E2F7: variants seen among roughly 807,000 people sequenced by gnomAD.
E2F7 encodes the protein E2F transcription factor 7, also known as transcription factor E2F7.
Under a neutral mutation model 81.1 loss-of-function variants are expected in E2F7, and 35 were observed. The ratio of observed to expected loss-of-function variants is 0.43; its 90% CI spans 0.33 to 0.57. E2F7 has a LOEUF of 0.57. E2F7 is among the 20% of genes least tolerant of loss of function. The pLI is 0.04. For missense variants in E2F7, 961 were observed against 1,093.7 expected, an observed-to-expected ratio of 0.88 and a Z score of 1.71; for synonymous variants, 416 against 416.2, an observed-to-expected ratio of 1.00 and a Z score of 0.01.
chr12:77,046,446 A>T, intron 4 of E2F7, 118 bp from the exon 5 acceptor site: 1 of 1,078,230 alleles, frequency 9.3e-7, no homozygotes, highest in South Asian at 1.8e-5. Flanking sequence ...TATAATGCCC[A>T]CTGCGTGGAT....
Position 77,023,843 on chromosome 12 carries a change from C to A in E2F7, c.*172G>T, listed in dbSNP as rs1402489689. The A allele has an allele frequency of 6.3e-6, 5 of 790,060 alleles. No homozygotes were observed. The highest frequency in any genetic ancestry group is 3.5e-5 in the African/African-American group (2 of 57,374). 48.9% of individuals were successfully genotyped at this position (790,060 alleles called of 1,614,324 possible). ...GGAACTCTAACTGGTATTAAATGCA[C>A]AATTAATTACTTTCAGGAAATCAGA... is the stretch of plus-strand genomic sequence containing the variant. On this transcript the variant is annotated 3_prime_UTR_variant, in exon 13 of 13. Transcript: ENST00000322886.
chr12:77,036,837 G>C (rs935088553), intron 7 of E2F7, among the ~76,000 whole-genome samples: 5 of 151,932 alleles, frequency 3.3e-5, no homozygotes, highest in African/African-American at 9.7e-5. Flanking sequence ...CGCCTCCCGG[G>C]TTCATGCCAT....
chr12:77,054,235 GA>G lies in E2F7; in HGVS notation c.369+1619del, dbSNP rs879735593. Among the ~76,000 whole-genome samples, 101 of 139,688 alleles carry G rather than the reference GA, an allele frequency of 7.2e-4. 1 individual carries two copies. Among genetic ancestry groups the G allele is most frequent in the East Asian group, 1.0e-3 (5 of 4,790 alleles). The allele number at this position is 139,688 out of a possible 152,430, so 91.6% of individuals were successfully genotyped here. A position where few individuals can be genotyped will look rare whatever the true frequency, so the allele number is the denominator to read the frequency against. ...ACCCACTGAACTTAAAAGTTAGAAA[GA>G]AAAAAAAAAACTACTTAAAACACTT... On this transcript the variant is annotated intron_variant, in intron 3 of 12. Coordinates refer to ENST00000322886, the MANE Select transcript of E2F7 (RefSeq NM_203394.3).
intron 8 of E2F7, 142 bp downstream of exon 8, chr12:77,033,714 TA>T: frequency 1.4e-6 from 1 of 722,996 alleles, no homozygotes. Flanking sequence ...TCACTTCAGC[TA>T]AGTAAAAAGT....
In E2F7 at chr12:77,029,520, T is replaced by C. The variant is rs1337346697; in HGVS notation, c.1884+311A>G. On this transcript the variant is annotated intron_variant, in intron 10 of 12. Coordinates refer to ENST00000322886, the MANE Select transcript of E2F7 (RefSeq NM_203394.3). Reference sequence around the variant, plus strand: ...ATCCTAATTTGTTTTAAAAAAAGGATGTAAAAAAGACTGGATGGAAATATA... The same window carrying C: ...ATCCTAATTTGTTTTAAAAAAAGGACGTAAAAAAGACTGGATGGAAATATA... Among the ~76,000 whole-genome samples, 4 of 152,218 alleles carry C rather than the reference T, an allele frequency of 2.6e-5. No homozygotes were observed. In the East Asian group the frequency reaches 5.8e-4, roughly 22 times the overall value.
intron 7 of E2F7, among the ~76,000 whole-genome samples, chr12:77,040,220 C>A (rs1276676496): frequency 6.6e-6 from 1 of 152,126 alleles, no homozygotes; most frequent in East Asian, 1.9e-4. Flanking sequence ...TTGAACTTGG[C>A]CAACAGTACT....
intron 7 of E2F7, among the ~76,000 whole-genome samples, chr12:77,034,915 A>T (rs1954836182): frequency 6.6e-6 from 1 of 152,240 alleles, no homozygotes; most frequent in Non-Finnish European, 1.5e-5. Flanking sequence ...TTTTTCTTAC[A>T]ACAAAAGCCC....
At chr12:77,036,238 C>A (rs1402358545) in intron 7 of E2F7, among the ~76,000 whole-genome samples, 1 of 152,150 alleles carries the variant, frequency 6.6e-6, no homozygotes, top group Non-Finnish European at 1.5e-5. Flanking sequence ...ATCATCAAAT[C>A]GCTTAAAACC....
chr12:77,035,546 A>C (rs894836971), intron 7 of E2F7, among the ~76,000 whole-genome samples: 1 of 152,234 alleles, frequency 6.6e-6, no homozygotes, highest in Non-Finnish European at 1.5e-5. Flanking sequence ...AAAAGCTGAT[A>C]GAGTCTTGCT....
rs1947747140 is a variant in E2F7, at chr12:77,030,129, G to A, written c.1586C>T (p.Ala529Val). Residue 529 changes from alanine (A) to valine (V), a missense_variant, in exon 10 of 13, where the codon GCA becomes GTA. Transcript: ENST00000322886. Reference sequence around the variant, plus strand: ...CTTCAGGCTCTCCACAGCAGAGGCTGCAGAAGCAAGTGAGACATCCACTTG... The same window carrying A: ...CTTCAGGCTCTCCACAGCAGAGGCTACAGAAGCAAGTGAGACATCCACTTG... ...NGQVDVSLAS[A>V]ASAVESLKPA... The A allele has an allele frequency of 6.2e-7, 1 of 1,614,206 alleles. No individual in the cohort carries two copies. Among genetic ancestry groups the A allele is most frequent in the Non-Finnish European group, 8.5e-7 (1 of 1,180,046 alleles).
intron 6 of E2F7, 166 bp downstream of exon 6, chr12:77,044,471 G>T: frequency 1.3e-6 from 1 of 776,058 alleles, no homozygotes; most frequent in Non-Finnish European, 2.0e-6. Flanking sequence ...AATTCTAGTA[G>T]GTGACTAACT....
At chr12:77,064,735 T>C (rs1279121952) in intron 1 of E2F7, 100 bp from the exon 2 acceptor site, 3 of 1,004,214 alleles carry the variant, frequency 3.0e-6, no homozygotes, top group East Asian at 2.5e-5. Context: ...CAATATGAAA[T>C]TCCCCCTTCT....
chr12:77,035,599 A>G (rs11116751), intron 7 of E2F7, among the ~76,000 whole-genome samples: 3,713 of 152,334 alleles, frequency 0.024, 58 homozygotes, highest in Non-Finnish European at 0.036. Flanking sequence ...CACTGTTTCC[A>G]TGTAACTTCA....
At position 77,025,886 on chromosome 12, in the gene E2F7, A is replaced by G. The variant is rs1262635924; in HGVS notation, c.2237T>C (p.Met746Thr). The change falls in exon 12 of 13, where the codon ATG becomes ACG. Residue 746 changes from methionine to threonine, a missense_variant. Transcript: ENST00000322886. ...GCCCAGAGGTGGAGATGGTAAGACC[A>G]TGCAAGGGACACTGAAAGACGGCAG... ...GQLPSFSVPCMVLPSPPLGPF... is the reference protein window; with the variant it reads ...GQLPSFSVPCTVLPSPPLGPF... 21 of 1,614,062 alleles carry G rather than the reference A, an allele frequency of 1.3e-5. No individual in the cohort carries two copies. The highest frequency in any genetic ancestry group is 1.7e-5 in the Non-Finnish European group (20 of 1,180,036).
intron 7 of E2F7, among the ~76,000 whole-genome samples, chr12:77,039,624 T>C (rs937016768): frequency 3.3e-5 from 5 of 152,168 alleles, no homozygotes; most frequent in African/African-American, 1.2e-4. Context: ...TACACACCTA[T>C]CAGGATGGCT....
At chr12:77,059,280 C>T (rs890377550) in intron 2 of E2F7, among the ~76,000 whole-genome samples, 2 of 152,122 alleles carry the variant, frequency 1.3e-5, no homozygotes, top group African/African-American at 4.8e-5. Context: ...GACAGAAAGT[C>T]AACTGCAATC....
Position 77,038,026 on chromosome 12 carries a change from A to G in E2F7, c.1124-3984T>C, listed in dbSNP as rs75906504. On this transcript the variant is annotated intron_variant, in intron 7 of 12. Coordinates refer to ENST00000322886, the MANE Select transcript of E2F7 (RefSeq NM_203394.3). ...CACTATGAGACAAAGTAGATTTCAGAGCAAAGAATTATCTCCAGGAATAAA... is the reference window on the plus strand; with the variant it reads ...CACTATGAGACAAAGTAGATTTCAGGGCAAAGAATTATCTCCAGGAATAAA... Among the ~76,000 whole-genome samples the G allele has an allele frequency of 6.9e-3, 1,055 of 152,318 alleles. 11 individuals are homozygous for G. Among genetic ancestry groups the G allele is most frequent in the African/African-American group, 0.025 (1,020 of 41,586 alleles).
intron 4 of E2F7, among the ~76,000 whole-genome samples, chr12:77,048,479 T>C (rs962128825): frequency 2.0e-5 from 3 of 152,264 alleles, no homozygotes; most frequent in East Asian, 1.9e-4. Flanking sequence ...CTCTAAACTG[T>C]TACCCATGAT....
At chr12:77,033,182 T>C in intron 8 of E2F7, 60 bp from the exon 9 acceptor site, 3 of 1,379,736 alleles carry the variant, frequency 2.2e-6, no homozygotes, top group Non-Finnish European at 3.1e-6. Flanking sequence ...ACCAACTATA[T>C]ACTGAGAATT....
Sources: allele counts gnomAD v4.1 joint callset (sites outside exome capture counted in the v4.1 genomes callset), GRCh38; gene constraint gnomAD v4.1.1; transcripts MANE v1.5; gene names NCBI Gene and HGNC (gene_info 2026-07-23, HGNC 2026-07-21).